Variants in MAGI2 observed in about 807,000 individuals in gnomAD.
MAGI2 encodes membrane associated guanylate kinase, WW and PDZ domain containing 2, also known as membrane-associated guanylate kinase, WW and PDZ domain-containing protein 2.
A neutral mutation model predicts 133.3 loss-of-function variants in MAGI2; 35 were observed. The observed-to-expected ratio is 0.26, with a 90% confidence interval of 0.20 to 0.35. MAGI2 has a LOEUF of 0.35. Ranked by LOEUF, MAGI2 falls within the 10% of genes least tolerant of loss-of-function variation. The pLI is 1.00. For synonymous variants in MAGI2, 729 were observed against 710.6 expected, an observed-to-expected ratio of 1.03 and a Z score of -0.41; for missense variants, 1,636 against 1,863.4, an observed-to-expected ratio of 0.88 and a Z score of 2.25.
intron 1 of MAGI2, among the ~76,000 whole-genome samples, chr7:79,359,479 C>T (rs1842236148): frequency 6.6e-6 from 1 of 151,938 alleles, no homozygotes. Context: ...CAAAAACCTT[C>T]AGATACAAGA....
At chr7:78,218,932 T>C (rs1397387825) in intron 10 of MAGI2, among the ~76,000 whole-genome samples, 1 of 152,208 alleles carries the variant, frequency 6.6e-6, no homozygotes, top group Non-Finnish European at 1.5e-5. Flanking sequence ...TGCTTCATCA[T>C]AGCCGACATT....
chr7:78,695,922 A>G (rs1315497237), intron 2 of MAGI2, among the ~76,000 whole-genome samples: 4 of 151,816 alleles, frequency 2.6e-5, no homozygotes, highest in African/African-American at 9.7e-5. Context: ...ATTGTATACC[A>G]CATAGTTCAT....
intron 2 of MAGI2, among the ~76,000 whole-genome samples, chr7:78,891,972 A>G (rs1403371081): frequency 2.0e-5 from 3 of 152,216 alleles, no homozygotes; most frequent in Admixed American, 2.0e-4. Context: ...TTGTATATCC[A>G]GAAAACTCAA....
intron 2 of MAGI2, among the ~76,000 whole-genome samples, chr7:78,744,895 T>A (rs1822777182): frequency 6.6e-6 from 1 of 152,178 alleles, no homozygotes; most frequent in Admixed American, 6.5e-5. Context: ...CACAACAGCT[T>A]CCTTTTATTG....
intron 1 of MAGI2, among the ~76,000 whole-genome samples, chr7:79,193,302 G>C (rs1394628994): frequency 6.6e-6 from 1 of 151,956 alleles, no homozygotes; most frequent in Non-Finnish European, 1.5e-5. Flanking sequence ...GGGAAAGATA[G>C]GGCAACCCAT....
chr7:78,233,687 A>G (rs1443297386), intron 10 of MAGI2, among the ~76,000 whole-genome samples: 1 of 152,176 alleles, frequency 6.6e-6, no homozygotes, highest in East Asian at 1.9e-4. Flanking sequence ...GCAGGTTTAT[A>G]GGCTAAAGGT....
At chr7:78,391,416 A>G (rs1293111024) in intron 6 of MAGI2, among the ~76,000 whole-genome samples, 2 of 152,188 alleles carry the variant, frequency 1.3e-5, no homozygotes, top group African/African-American at 4.8e-5. Flanking sequence ...GGAAATATGG[A>G]TATATTTGGA....
intron 4 of MAGI2, among the ~76,000 whole-genome samples, chr7:78,513,995 G>T (rs1363901806): frequency 1.3e-5 from 2 of 148,334 alleles, no homozygotes; most frequent in Non-Finnish European, 3.0e-5. Context: ...GGGTGAGGCA[G>T]GAGAATTGCT....
rs374398625 is a variant in MAGI2 at position 78,577,816 on chromosome 7, G to A, written c.538+49304C>T. Among the ~76,000 whole-genome samples the A allele has an allele frequency of 3.8e-4, 58 of 152,204 alleles. 2 individuals are homozygous for A. The highest frequency in any genetic ancestry group is 6.8e-3 in the Middle Eastern group (2 of 294). On this transcript the variant is annotated intron_variant, in intron 3 of 21. Coordinates refer to ENST00000354212, the MANE Select transcript of MAGI2 (RefSeq NM_012301.4). ...GTCATCAGTTAAGGCAGAAACTGGC[G>A]ATCTGGATGTGTACGTGCAGGTCAC...
intron 1 of MAGI2, among the ~76,000 whole-genome samples, chr7:79,297,562 A>G (rs1837037363): frequency 2.0e-5 from 3 of 152,196 alleles, no homozygotes. Flanking sequence ...CAGTCTACCC[A>G]GTACTCTTCT....
intron 1 of MAGI2, among the ~76,000 whole-genome samples, chr7:79,196,557 CT>C (rs1466041873): frequency 2.0e-5 from 3 of 151,938 alleles, no homozygotes; most frequent in Admixed American, 6.6e-5. Context: ...CTACTTCCCC[CT>C]ATCTTCTTAG....
At chr7:78,823,411 A>G (rs1224189347) in intron 2 of MAGI2, among the ~76,000 whole-genome samples, 1 of 151,946 alleles carries the variant, frequency 6.6e-6, no homozygotes, top group Admixed American at 6.6e-5. Context: ...GTGAAACCCC[A>G]CCTCTACTAA....
chr7:79,405,988 C>A (rs1031256808), intron 1 of MAGI2, among the ~76,000 whole-genome samples: 8 of 149,784 alleles, frequency 5.3e-5, no homozygotes. Context: ...CTTAAGCCAC[C>A]AAATCATGTT....
chr7:79,063,995 A>G lies in MAGI2; in HGVS notation c.302-56789T>C, dbSNP rs528350754. ...ATCAAACTTCGTGAACGTGTGCTCAAGTAAGGATATTGAAGATATCTCACG... is the reference window on the plus strand; with the variant it reads ...ATCAAACTTCGTGAACGTGTGCTCAGGTAAGGATATTGAAGATATCTCACG... On this transcript the variant is annotated intron_variant, in intron 1 of 21. Coordinates refer to ENST00000354212, the MANE Select transcript of MAGI2 (RefSeq NM_012301.4). 1.1e-4 allele frequency among the ~76,000 whole-genome samples: 16 copies of G among 152,218 alleles called. No homozygotes were observed. The South Asian group carries it at 1.9e-3, about 18-fold the overall frequency.
Position 78,214,729 on chromosome 7 carries a change from T to C in MAGI2, c.2048-13536A>G, listed in dbSNP as rs572497001. Among the ~76,000 whole-genome samples the C allele has an allele frequency of 2.6e-5, 4 of 152,334 alleles. 1 individual carries two copies. The South Asian group carries it at 8.3e-4, about 32-fold the overall frequency. ...GGCTTCCCTGATTAACAATAGTTGT[T>C]ACTACTTGTGGAGATAAAGCACAAA... On this transcript the variant is annotated intron_variant, in intron 10 of 21. Coordinates refer to ENST00000354212, the MANE Select transcript of MAGI2 (RefSeq NM_012301.4).
chr7:78,392,745 G>A (rs375513529), intron 6 of MAGI2, among the ~76,000 whole-genome samples: 2 of 152,296 alleles, frequency 1.3e-5, no homozygotes, highest in East Asian at 3.9e-4. Flanking sequence ...CCAGTTTCAA[G>A]TGATTCTCCT....
At chr7:78,208,539 G>A (rs1365790329) in intron 10 of MAGI2, among the ~76,000 whole-genome samples, 1 of 152,146 alleles carries the variant, frequency 6.6e-6, no homozygotes, top group Non-Finnish European at 1.5e-5. Flanking sequence ...TTTTATTTAT[G>A]TTCTGAGCAA....
intron 21 of MAGI2, among the ~76,000 whole-genome samples, chr7:78,036,969 G>C (rs749581977): frequency 5.9e-5 from 9 of 152,130 alleles, no homozygotes; most frequent in Non-Finnish European, 1.0e-4. Context: ...AGAGGTGTAG[G>C]TGTATCACTT....
In MAGI2 at chr7:78,160,264, C is replaced by T; in HGVS notation, c.2606G>A (p.Cys869Tyr). 1 of 1,586,978 alleles carries T rather than the reference C, an allele frequency of 6.3e-7. No homozygotes were observed. Among genetic ancestry groups the T allele is most frequent in the Non-Finnish European group, 8.6e-7 (1 of 1,165,778 alleles). Residue 869 changes from cysteine (C) to tyrosine (Y), a missense_variant, in exon 16 of 22, where the codon TGC (cysteine) becomes TAC (tyrosine). Cys to Tyr is a radical substitution (Grantham distance 194). Around this residue, in one of 5 missense-constraint regions of MAGI2, gnomAD observed 920 missense variants for 1,093.5 expected, o/e 0.84. Transcript: ENST00000354212. Reference sequence around the variant, plus strand: ...GCCTGGACTTCTCCCGTTCTCTGGGCAGGGCTCCCCTGCAAAATATACCAC... The same window carrying T: ...GCCTGGACTTCTCCCGTTCTCTGGGTAGGGCTCCCCTGCAAAATATACCAC... ...RRKVLCGGEPCPENGRSPGSV... is the reference protein window; with the variant it reads ...RRKVLCGGEPYPENGRSPGSV...
Sources: allele counts gnomAD v4.1 joint callset (sites outside exome capture counted in the v4.1 genomes callset), GRCh38; gene constraint gnomAD v4.1.1; regional missense constraint gnomAD v4.1.1; transcripts MANE v1.5; gene names NCBI Gene and HGNC (gene_info 2026-07-23, HGNC 2026-07-21).